The following CALN1 variants were observed in gnomAD, a reference collection of about 807,000 sequenced individuals.
CALN1 encodes the protein calneuron 1, also known as calcium-binding protein 8.
A neutral mutation model predicts 30.6 loss-of-function variants in CALN1; 17 were observed. That is an observed-to-expected ratio of 0.56 (90% CI 0.38 to 0.83). CALN1 has a LOEUF of 0.83. Ranked by LOEUF, CALN1 falls within the 40% of genes least tolerant of loss-of-function variation. The pLI is 0.00. For synonymous variants in CALN1, 156 were observed against 131.4 expected, an observed-to-expected ratio of 1.19 and a Z score of -1.28; for missense variants, 291 against 354.9, an observed-to-expected ratio of 0.82 and a Z score of 1.45.
chr7:72,315,953 C>G (rs1800413232), intron 2 of CALN1, among the ~76,000 whole-genome samples: 1 of 151,820 alleles, frequency 6.6e-6, no homozygotes, highest in Non-Finnish European at 1.5e-5. Flanking sequence ...TCAAGACCAG[C>G]CTGGCCAACA....
chr7:72,175,901 A>G (rs1789315227), intron 3 of CALN1, among the ~76,000 whole-genome samples: 1 of 152,172 alleles, frequency 6.6e-6, no homozygotes, highest in South Asian at 2.1e-4. Flanking sequence ...GGCCCCAGTA[A>G]AACAGTGGGC....
At chr7:71,878,356 C>T (rs1334662753) in intron 5 of CALN1, among the ~76,000 whole-genome samples, 1 of 151,242 alleles carries the variant, frequency 6.6e-6, no homozygotes, top group Non-Finnish European at 1.5e-5. Flanking sequence ...GAGCTGAGAT[C>T]ATGCCATTGC....
intron 5 of CALN1, among the ~76,000 whole-genome samples, chr7:71,903,045 A>AT (rs1452378474): frequency 6.6e-6 from 1 of 151,840 alleles, no homozygotes; most frequent in African/African-American, 2.4e-5. Context: ...TTTAAAAAAA[A>AT]TTTTTACTTT....
At chr7:72,366,785 G>A (rs755914725) in intron 2 of CALN1, among the ~76,000 whole-genome samples, 7 of 151,672 alleles carry the variant, frequency 4.6e-5, no homozygotes, top group Admixed American at 6.6e-5. Flanking sequence ...CATCTAAATT[G>A]CATGTATATG....
chr7:72,502,761 A>T, the CALN1 span, among the ~76,000 whole-genome samples: 1 of 152,186 alleles, frequency 6.6e-6, no homozygotes, highest in Admixed American at 6.5e-5. Context: ...GCTGAGTGGC[A>T]CACTAGGAAA....
chr7:72,316,187 A>G (rs1336347354), intron 2 of CALN1, among the ~76,000 whole-genome samples: 3 of 152,038 alleles, frequency 2.0e-5, no homozygotes, highest in Non-Finnish European at 4.4e-5. Flanking sequence ...TGTCCTTAAA[A>G]AAATACTTAC....
chr7:72,362,873 A>G (rs1417743036), intron 2 of CALN1, among the ~76,000 whole-genome samples: 1 of 152,070 alleles, frequency 6.6e-6, no homozygotes, highest in African/African-American at 2.4e-5. Flanking sequence ...CATTTACCAT[A>G]TTCCGGTAAA....
chr7:72,338,883 G>C (rs923405390), intron 2 of CALN1, among the ~76,000 whole-genome samples: 2 of 151,428 alleles, frequency 1.3e-5, no homozygotes, highest in African/African-American at 4.9e-5. Context: ...TCAAATAATA[G>C]GTCTTATTCA....
At chr7:71,873,040 G>C (rs1792034136) in intron 5 of CALN1, among the ~76,000 whole-genome samples, 1 of 124,758 alleles carries the variant, frequency 8.0e-6, no homozygotes, top group African/African-American at 3.3e-5. Context: ...GTCTCACCCT[G>C]TCACCCAGTC....
chr7:72,151,129 T>C (rs934230638), intron 3 of CALN1, among the ~76,000 whole-genome samples: 3 of 152,092 alleles, frequency 2.0e-5, no homozygotes, highest in Admixed American at 6.6e-5. Flanking sequence ...ACAGGCCAGG[T>C]GGCTTCAACA....
At chr7:72,162,376 T>A (rs1585067240) in intron 3 of CALN1, among the ~76,000 whole-genome samples, 1 of 151,884 alleles carries the variant, frequency 6.6e-6, no homozygotes, top group South Asian at 2.1e-4. Flanking sequence ...TTTGAAGGCA[T>A]AGGATGGTGG....
chr7:72,051,272 C>G (rs1186700763), intron 4 of CALN1, among the ~76,000 whole-genome samples: 3 of 151,720 alleles, frequency 2.0e-5, no homozygotes, highest in Admixed American at 2.0e-4. Context: ...ATAATTACAA[C>G]TGAGAAAAGC....
the CALN1 span, among the ~76,000 whole-genome samples, chr7:72,476,756 C>T: frequency 2.6e-5 from 4 of 152,222 alleles, 1 homozygote; most frequent in South Asian, 8.3e-4. Context: ...GAACACCTAC[C>T]ACGTGCCAGG....
chr7:72,250,264 C>G (rs1795464761), intron 3 of CALN1, among the ~76,000 whole-genome samples: 2 of 152,190 alleles, frequency 1.3e-5, no homozygotes, highest in South Asian at 4.1e-4. Context: ...AAACAAGGAG[C>G]CTGGAAGTCA....
intron 3 of CALN1, among the ~76,000 whole-genome samples, chr7:72,223,754 G>T (rs1486650885): frequency 6.6e-6 from 1 of 152,198 alleles, no homozygotes; most frequent in East Asian, 1.9e-4. Flanking sequence ...CCAGACAGAT[G>T]AAATCAACAG....
At chr7:71,873,191 A>T (rs1418796375) in intron 5 of CALN1, among the ~76,000 whole-genome samples, 1 of 151,736 alleles carries the variant, frequency 6.6e-6, no homozygotes, top group East Asian at 1.9e-4. Context: ...TTTAGTAGAG[A>T]CAGGGTTTCA....
chr7:71,799,446 TTTATTTAGTTAGTTAGTTAGTTAG>T (rs1787172517), intron 6 of CALN1, among the ~76,000 whole-genome samples: 1 of 136,368 alleles, frequency 7.3e-6, no homozygotes, highest in African/African-American at 2.7e-5. Context: ...TATTTATTTA[TTTATTTAGTTAGTTAGTTAGTTAG>T]TTAGTTAGTT....
At chr7:71,972,241 A>C (rs965254170) in intron 5 of CALN1, among the ~76,000 whole-genome samples, 2 of 152,158 alleles carry the variant, frequency 1.3e-5, no homozygotes, top group Non-Finnish European at 2.9e-5. Context: ...ATGACATTCA[A>C]TTCGTTCTGA....
At chr7:72,374,179 G>C (rs1682576987) in intron 2 of CALN1, among the ~76,000 whole-genome samples, 1 of 152,168 alleles carries the variant, frequency 6.6e-6, no homozygotes, top group Non-Finnish European at 1.5e-5. Flanking sequence ...GGGGAATGAA[G>C]AAAAACAAAA....
Sources: gnomAD v4.1 joint callset for allele counts (sites outside exome capture counted in the v4.1 genomes callset) on GRCh38, gnomAD v4.1.1 for gene constraint, MANE v1.5 for transcripts, NCBI Gene and HGNC (gene_info 2026-07-23, HGNC 2026-07-21) for gene names.